Variants in DAP3 observed in about 807,000 individuals in gnomAD.
DAP3 encodes death associated protein 3.
Under a neutral mutation model 51.9 loss-of-function variants are expected in DAP3, and 28 were observed. The observed-to-expected ratio is 0.54, with a 90% confidence interval of 0.40 to 0.74. The LOEUF (loss-of-function observed/expected upper bound fraction) is 0.74, where lower values mean the gene tolerates loss of function less well. DAP3 is among the 30% of genes least tolerant of loss of function. DAP3 has a pLI of 0.00. For synonymous variants in DAP3, 170 were observed against 170.3 expected (o/e 1.00, Z 0.01); for missense variants, 458 against 483.5 (o/e 0.95, Z 0.49).
chr1:155,689,306 G>A (rs1653319324), intron 1 of DAP3, 132 bp downstream of exon 1: 6 of 616,386 alleles, frequency 9.7e-6, no homozygotes, highest in Non-Finnish European at 1.8e-5. Context: ...GCGTTGAGTT[G>A]CCAACCTGGG....
At chr1:155,707,481 C>T (rs1656149934) in intron 1 of DAP3, among the ~76,000 whole-genome samples, 1 of 151,870 alleles carries the variant, frequency 6.6e-6, no homozygotes, top group African/African-American at 2.4e-5. Context: ...TCAGTTATTC[C>T]ATAACTACTG....
chr1:155,705,041 C>T (rs1235498640), intron 1 of DAP3, among the ~76,000 whole-genome samples: 1 of 152,126 alleles, frequency 6.6e-6, no homozygotes, highest in East Asian at 1.9e-4. Flanking sequence ...CCTGTAATCC[C>T]AGCACTTCGA....
chr1:155,705,800 A>C (rs1031671250), intron 1 of DAP3, among the ~76,000 whole-genome samples: 3 of 152,004 alleles, frequency 2.0e-5, no homozygotes, highest in African/African-American at 7.2e-5. Flanking sequence ...TCCTGGGTTC[A>C]AGCGATTCTC....
upstream of DAP3, chr1:155,688,077 G>C (rs1466553299): frequency 6.3e-7 from 1 of 1,584,420 alleles, no homozygotes; most frequent in Non-Finnish European, 8.6e-7. Flanking sequence ...TCACCGTGTC[G>C]GAGGCCGAGA....
intron 7 of DAP3, among the ~76,000 whole-genome samples, chr1:155,728,188 G>A (rs1658811386): frequency 6.6e-6 from 1 of 152,108 alleles, no homozygotes; most frequent in Non-Finnish European, 1.5e-5. Flanking sequence ...AAATGCAGAT[G>A]CCAGAGTCTC....
chr1:155,705,873 TA>T (rs1466436293), intron 1 of DAP3, among the ~76,000 whole-genome samples: 1 of 151,980 alleles, frequency 6.6e-6, no homozygotes, highest in African/African-American at 2.4e-5. Context: ...GCTTATTTTT[TA>T]TATTTTAGTA....
intron 11 of DAP3, among the ~76,000 whole-genome samples, chr1:155,735,998 C>G (rs558386270): frequency 6.6e-6 from 1 of 151,924 alleles, no homozygotes; most frequent in Non-Finnish European, 1.5e-5. Context: ...CATGCCACCA[C>G]GCCCAGCTAA....
In DAP3 at chr1:155,690,997, T is replaced by A. The variant is rs1448600829; in HGVS notation, c.-8+1823T>A. Among the ~76,000 whole-genome samples, 3 of 141,912 alleles carry A rather than the reference T, an allele frequency of 2.1e-5. 1 individual carries two copies. Among genetic ancestry groups the A allele is most frequent in the African/African-American group, 9.5e-5 (3 of 31,426 alleles). The allele number at this position is 141,912 out of a possible 152,430, so 93.1% of individuals were successfully genotyped here. A position where few individuals can be genotyped will look rare whatever the true frequency, so the allele number is the denominator to read the frequency against. Reference sequence around the variant, plus strand: ...ATCTCGGCTCACTGCAAGCTCCGCCTCCCGGGTTCGCGCCATTCTCCTACC... The same window carrying A: ...ATCTCGGCTCACTGCAAGCTCCGCCACCCGGGTTCGCGCCATTCTCCTACC... On this transcript the variant is annotated intron_variant, in intron 1 of 12. Transcript: ENST00000368336.
intron 6 of DAP3, 140 bp from the exon 7 acceptor site, chr1:155,727,468 C>CA (rs201880344): frequency 0.11 from 55,250 of 507,550 alleles, 104 homozygotes; most frequent in African/African-American, 0.14. Context: ...GACCCTGTCT[C>CA]AAAAAAAAAA....
chr1:155,703,780 A>G (rs1282037770), intron 1 of DAP3, among the ~76,000 whole-genome samples: 1 of 152,104 alleles, frequency 6.6e-6, no homozygotes, highest in Non-Finnish European at 1.5e-5. Context: ...CTCGTGATCC[A>G]CCCACGTTGG....
chr1:155,730,416 G>C (rs1490468333), intron 9 of DAP3, among the ~76,000 whole-genome samples: 1 of 151,872 alleles, frequency 6.6e-6, no homozygotes, highest in Non-Finnish European at 1.5e-5. Context: ...TTTGAGGTCA[G>C]CCTGGGCAGC....
chr1:155,715,518 T>A (rs2149161636), intron 2 of DAP3, among the ~76,000 whole-genome samples: 2 of 126,754 alleles, frequency 1.6e-5, no homozygotes, highest in Middle Eastern at 7.4e-3. Context: ...CAAGACCCTG[T>A]CTTAAAAAAA....
At chr1:155,737,121 G>GT (rs1343358326) in intron 12 of DAP3, 58 bp downstream of exon 12, 7 of 1,229,438 alleles carry the variant, frequency 5.7e-6, no homozygotes, top group Non-Finnish European at 8.4e-6. Context: ...ATCCCACTCA[G>GT]TCAGAGCCTT....
intron 3 of DAP3, among the ~76,000 whole-genome samples, chr1:155,721,161 C>T (rs983486643): frequency 2.0e-5 from 3 of 151,680 alleles, no homozygotes; most frequent in Non-Finnish European, 2.9e-5. Flanking sequence ...CATGGTGAAA[C>T]CCCGTCTCTA....
upstream of DAP3, chr1:155,688,725 A>G (rs1653139464): frequency 1.6e-5 from 24 of 1,501,650 alleles, no homozygotes; most frequent in East Asian, 2.5e-5. Context: ...CCCCGCCCGC[A>G]CGGCCACCAA....
chr1:155,698,518 C>CCT (rs1421019187), intron 1 of DAP3, among the ~76,000 whole-genome samples: 2 of 152,120 alleles, frequency 1.3e-5, no homozygotes, highest in African/African-American at 2.4e-5. Flanking sequence ...TCATTAAACT[C>CCT]CTCTCTCTCC....
chr1:155,712,905 A>T (rs533671987), intron 2 of DAP3, among the ~76,000 whole-genome samples: 1 of 152,306 alleles, frequency 6.6e-6, no homozygotes, highest in Non-Finnish European at 1.5e-5. Flanking sequence ...TCTCCGGTAG[A>T]TAAAATTGAG....
chr1:155,712,087 C>T (rs915642483), intron 2 of DAP3, among the ~76,000 whole-genome samples: 2 of 151,964 alleles, frequency 1.3e-5, no homozygotes, highest in African/African-American at 4.8e-5. Context: ...TTTGGCAACA[C>T]CCTCACAGAC....
At chr1:155,715,490 C>G (rs1475666651) in intron 2 of DAP3, among the ~76,000 whole-genome samples, 1 of 151,584 alleles carries the variant, frequency 6.6e-6, no homozygotes, top group Non-Finnish European at 1.5e-5. Context: ...CCACTGCACT[C>G]CAGCCTGGGT....
Sources: gnomAD v4.1 joint callset for allele counts (sites outside exome capture counted in the v4.1 genomes callset) on GRCh38, gnomAD v4.1.1 for gene constraint, MANE v1.5 for transcripts, NCBI Gene and HGNC (gene_info 2026-07-23, HGNC 2026-07-21) for gene names.